Variants in SLC4A10 observed in about 807,000 individuals in gnomAD.
SLC4A10 encodes sodium-driven chloride bicarbonate exchanger.
Under a neutral mutation model 137.7 loss-of-function variants are expected in SLC4A10, and 42 were observed. The observed-to-expected ratio is 0.30, with a 90% confidence interval of 0.24 to 0.39. The LOEUF (loss-of-function observed/expected upper bound fraction) is 0.39, where lower values mean the gene tolerates loss of function less well. Among genes scored for constraint, SLC4A10 ranks in the 10% least tolerant of loss-of-function variants. SLC4A10 has a pLI of 1.00. For missense variants in SLC4A10, 925 were observed against 1,355.0 expected (o/e 0.68, Z 4.98); for synonymous variants, 474 against 464.1 (o/e 1.02, Z -0.27).
At chr2:161,624,796 CTCA>C (rs2031947861) in intron 1 of SLC4A10, among the ~76,000 whole-genome samples, 1 of 151,772 alleles carries the variant, frequency 6.6e-6, no homozygotes, top group African/African-American at 2.4e-5. Flanking sequence ...GATGAAATGT[CTCA>C]TGTTTGCTGC....
chr2:161,698,723 G>A (rs2042814825), intron 1 of SLC4A10, among the ~76,000 whole-genome samples: 1 of 152,112 alleles, frequency 6.6e-6, no homozygotes, highest in Non-Finnish European at 1.5e-5. Flanking sequence ...ATTTTATTGA[G>A]GATTTTTGCA....
chr2:161,936,682 T>G (rs1278469146), intron 15 of SLC4A10, among the ~76,000 whole-genome samples: 2 of 152,196 alleles, frequency 1.3e-5, no homozygotes, highest in African/African-American at 2.4e-5. Flanking sequence ...CCTTTATTCT[T>G]GGTCTAGCTC....
At chr2:161,963,330 C>A (rs1167120799) in intron 21 of SLC4A10, among the ~76,000 whole-genome samples, 2 of 151,648 alleles carry the variant, frequency 1.3e-5, no homozygotes, top group Non-Finnish European at 2.9e-5. Flanking sequence ...ATCTTTATGG[C>A]AAGATTGAAA....
intron 3 of SLC4A10, among the ~76,000 whole-genome samples, chr2:161,827,945 G>A (rs980020351): frequency 1.3e-5 from 2 of 152,128 alleles, no homozygotes; most frequent in African/African-American, 4.8e-5. Context: ...CCAATCTTCT[G>A]GGAGACTAAT....
chr2:161,877,483 A>G (rs1305279164), intron 8 of SLC4A10, among the ~76,000 whole-genome samples: 1 of 152,004 alleles, frequency 6.6e-6, no homozygotes, highest in Non-Finnish European at 1.5e-5. Flanking sequence ...CTCCTTGGGA[A>G]TTTTGGCATT....
chr2:161,828,521 T>G (rs2058179367), intron 3 of SLC4A10, among the ~76,000 whole-genome samples: 1 of 148,478 alleles, frequency 6.7e-6, no homozygotes, highest in African/African-American at 2.4e-5. Context: ...TAGTATAATT[T>G]TATATATGCT....
intron 4 of SLC4A10, among the ~76,000 whole-genome samples, chr2:161,844,618 T>C (rs2059384726): frequency 6.6e-6 from 1 of 152,060 alleles, no homozygotes; most frequent in African/African-American, 2.4e-5. Flanking sequence ...GGATTAAAAA[T>C]CTTAGAAAAG....
At chr2:161,738,181 A>G (rs1192192901) in intron 1 of SLC4A10, among the ~76,000 whole-genome samples, 1 of 152,184 alleles carries the variant, frequency 6.6e-6, no homozygotes, top group Non-Finnish European at 1.5e-5. Context: ...ACTGTAAGAA[A>G]CCAATGGACA....
At chr2:161,675,040 C>T (rs1484550444) in intron 1 of SLC4A10, among the ~76,000 whole-genome samples, 2 of 152,146 alleles carry the variant, frequency 1.3e-5, no homozygotes, top group Non-Finnish European at 2.9e-5. Context: ...CACAGTAGAC[C>T]TGTCCCATTT....
intron 3 of SLC4A10, among the ~76,000 whole-genome samples, chr2:161,816,190 G>T (rs567978563): frequency 1.3e-5 from 2 of 152,252 alleles, no homozygotes; most frequent in Non-Finnish European, 2.9e-5. Flanking sequence ...AGGCATTAAA[G>T]AAAATTTCTG....
At chr2:161,665,523 A>G (rs911319236) in intron 1 of SLC4A10, among the ~76,000 whole-genome samples, 23 of 151,440 alleles carry the variant, frequency 1.5e-4, no homozygotes, top group Non-Finnish European at 1.3e-4. Context: ...AGTCCTGTGG[A>G]AAAAAAAGCA....
intron 3 of SLC4A10, among the ~76,000 whole-genome samples, chr2:161,835,700 G>A (rs944940550): frequency 1.3e-5 from 2 of 152,194 alleles, no homozygotes; most frequent in African/African-American, 4.8e-5. Flanking sequence ...CGTTTTTATG[G>A]ATGATAGGAT....
chr2:161,935,335 T>C (rs1188239781), intron 15 of SLC4A10, among the ~76,000 whole-genome samples: 3 of 152,222 alleles, frequency 2.0e-5, no homozygotes, highest in Non-Finnish European at 2.9e-5. Flanking sequence ...AGGTTTGTTC[T>C]TTTTGCTCAA....
intron 24 of SLC4A10, 47 bp from the exon 25 acceptor site, chr2:161,976,713 T>C: frequency 1.1e-6 from 1 of 935,414 alleles, no homozygotes; most frequent in Non-Finnish European, 1.6e-6. Context: ...AAAACTGCAG[T>C]TACTTATGTA....
At chr2:161,674,891 T>G (rs367895837) in intron 1 of SLC4A10, among the ~76,000 whole-genome samples, 3 of 152,194 alleles carry the variant, frequency 2.0e-5, no homozygotes, top group African/African-American at 7.2e-5. Context: ...CTGATTTTGT[T>G]AAGTCCATTC....
At chr2:161,975,711 C>G (rs751601093) in intron 24 of SLC4A10, among the ~76,000 whole-genome samples, 2 of 152,112 alleles carry the variant, frequency 1.3e-5, no homozygotes, top group Non-Finnish European at 2.9e-5. Context: ...GACCTATCAC[C>G]AATCAGGGTC....
intron 15 of SLC4A10, among the ~76,000 whole-genome samples, chr2:161,908,504 T>A (rs1575587674): frequency 6.8e-6 from 1 of 146,404 alleles, no homozygotes; most frequent in African/African-American, 2.5e-5. Flanking sequence ...AGTTGATGGG[T>A]GCAGCACACC....
intron 1 of SLC4A10, chr2:161,710,727 A>C (rs987985926): frequency 8.8e-6 from 4 of 455,246 alleles, no homozygotes; most frequent in Non-Finnish European, 1.3e-5. Flanking sequence ...CATGCATTTC[A>C]TTATACATCA....
Position 161,905,837 on chromosome 2 carries a change from A to C in SLC4A10, c.1947A>C (p.Glu649Asp), listed in dbSNP as rs777534270. 3 of 1,613,958 alleles carry C rather than the reference A, an allele frequency of 1.9e-6. 1 individual carries two copies. Among genetic ancestry groups the C allele is most frequent in the South Asian group, 2.2e-5 (2 of 91,080 alleles). Reference sequence around the variant, plus strand: ...TGGAGAAGTTGTTTGAACTCAGTGAAGCATATCCAATCAACATGCATAATG... The same window carrying C: ...TGGAGAAGTTGTTTGAACTCAGTGACGCATATCCAATCAACATGCATAATG... The part of the protein sequence containing the change: ...EALEKLFELS[E>D]AYPINMHNDL... The change falls in exon 15 of 27, where the codon GAA (glutamate) becomes GAC (aspartate). Residue 649 changes from glutamate to aspartate, a missense_variant. Glu to Asp is a conservative substitution (Grantham distance 45, BLOSUM62 2). Around this residue, in one of 11 missense-constraint regions of SLC4A10, gnomAD observed 91 missense variants for 95.6 expected, o/e 0.95. Coordinates refer to ENST00000446997, the MANE Select transcript of SLC4A10 (RefSeq NM_001178015.2).
Sources: allele counts gnomAD v4.1 joint callset (sites outside exome capture counted in the v4.1 genomes callset), GRCh38; gene constraint gnomAD v4.1.1; regional missense constraint gnomAD v4.1.1; transcripts MANE v1.5; gene names NCBI Gene and HGNC (gene_info 2026-07-23, HGNC 2026-07-21).